The following ZNF821 variants were observed in gnomAD, a reference collection of about 807,000 sequenced individuals.
ZNF821 encodes zinc finger protein 821.
In ZNF821, 16 loss-of-function variants were observed where a neutral mutation model predicts 44.3. The ratio of observed to expected loss-of-function variants is 0.36; its 90% CI spans 0.24 to 0.55. The LOEUF is 0.55. ZNF821 is among the 20% of genes least tolerant of loss of function. ZNF821 has a pLI of 0.86. For missense variants in ZNF821, 436 were observed against 547.6 expected (o/e 0.80, Z 2.03); for synonymous variants, 204 against 197.6 (o/e 1.03, Z -0.27).
intron 3 of ZNF821, among the ~76,000 whole-genome samples, chr16:71,878,841 G>C (rs186910267): frequency 3.0e-4 from 45 of 150,744 alleles, no homozygotes; most frequent in Middle Eastern, 3.5e-3. Flanking sequence ...TGCAGCAGGA[G>C]AATTGCTTGA....
intron 3 of ZNF821, among the ~76,000 whole-genome samples, chr16:71,874,642 C>G (rs1328591751): frequency 1.3e-5 from 2 of 151,856 alleles, no homozygotes; most frequent in Non-Finnish European, 2.9e-5. Flanking sequence ...TTAGTGGAGA[C>G]AGGGTTTTGC....
upstream of ZNF821, among the ~76,000 whole-genome samples, chr16:71,888,081 T>A (rs1814561453): frequency 6.6e-6 from 1 of 152,074 alleles, no homozygotes; most frequent in South Asian, 2.1e-4. Flanking sequence ...CTCACCATGT[T>A]GCTCAGGCTG....
chr16:71,865,552 C>A (rs1233418799), intron 4 of ZNF821, among the ~76,000 whole-genome samples: 4 of 152,230 alleles, frequency 2.6e-5, no homozygotes, highest in Admixed American at 1.3e-4. Flanking sequence ...TCAAGTTTTT[C>A]TTCCCTCTTA....
chr16:71,888,364 A>T (rs1404944171), upstream of ZNF821, among the ~76,000 whole-genome samples: 1 of 152,040 alleles, frequency 6.6e-6, no homozygotes, highest in African/African-American at 2.4e-5. Flanking sequence ...TAGTCATGAA[A>T]ATTTACACCT....
In ZNF821 at chr16:71,867,995, G is replaced by A. The variant is rs1367448441; in HGVS notation, c.83C>T (p.Ala28Val). The A allele has an allele frequency of 6.6e-5, 102 of 1,535,796 alleles. No individual in the cohort carries two copies. The highest frequency in any genetic ancestry group is 8.6e-5 in the Non-Finnish European group (99 of 1,146,788). ...FAGLEEQARQ[A>V]MMKTDFPGDL... is the part of the protein sequence containing the mutation. Reference sequence around the variant, plus strand: ...TCCAGGAAAATCAGTTTTCATCATCGCCTGGCGGGCTTGCTCTTCTAGCCC... The same window carrying A: ...TCCAGGAAAATCAGTTTTCATCATCACCTGGCGGGCTTGCTCTTCTAGCCC... Residue 28 changes from alanine (A) to valine (V), a missense_variant, in exon 4 of 8, where the codon GCG (alanine) becomes GTG (valine). Around this residue, in one of 5 missense-constraint regions of ZNF821, gnomAD observed 238 missense variants for 281.4 expected, o/e 0.85. Transcript: ENST00000425432.
Position 71,860,640 on chromosome 16 carries a change from G to A in ZNF821, c.617C>T (p.Ser206Phe), listed in dbSNP as rs2033745304. 6.2e-7 allele frequency: 1 copy of A among 1,613,726 alleles called. No individual in the cohort carries two copies. Among genetic ancestry groups the A allele is most frequent in the African/African-American group, 1.3e-5 (1 of 74,900 alleles). The stretch of plus-strand genomic sequence containing the variant: ...ACCCTCATTGTGGACTGTGGGTAGG[G>A]ATTCCATATTTAGTACTTCAGGAAG... ...EKLPEVLNME[S>F]LPTVHNEGPS... Residue 206 changes from serine (S) to phenylalanine (F), a missense_variant, in exon 8 of 8, where the codon TCC becomes TTC. This residue lies in a region of ZNF821 where 238 missense variants were observed against 281.4 expected (regional missense o/e 0.85). Coordinates refer to ENST00000425432, the MANE Select transcript of ZNF821 (RefSeq NM_001201552.2). The surrounding 1 kb of genome is among the most constrained non-coding windows in gnomAD (Gnocchi z 7.3).
chr16:71,890,960 G>C (rs2036882019), intron 1 of ZNF821, among the ~76,000 whole-genome samples: 1 of 151,442 alleles, frequency 6.6e-6, no homozygotes, highest in African/African-American at 2.4e-5. Flanking sequence ...TTTTTTAGCG[G>C]AGACGGGGTT....
intron 3 of ZNF821, among the ~76,000 whole-genome samples, chr16:71,877,745 C>T (rs2035976148): frequency 6.6e-6 from 1 of 151,238 alleles, no homozygotes; most frequent in African/African-American, 2.4e-5. Context: ...ATGGTGAAAC[C>T]CCGTCTCTAC....
chr16:71,863,256 C>T (rs1379374072), intron 6 of ZNF821, among the ~76,000 whole-genome samples: 3 of 151,974 alleles, frequency 2.0e-5, no homozygotes, highest in African/African-American at 4.8e-5. Context: ...ACATTAGTTT[C>T]TATTTCACTA....
intron 3 of ZNF821, among the ~76,000 whole-genome samples, chr16:71,870,296 A>G (rs1394070095): frequency 6.6e-6 from 1 of 152,044 alleles, no homozygotes; most frequent in African/African-American, 2.4e-5. Flanking sequence ...GGAAAGGAAA[A>G]ATAAGCTGTT....
At chr16:71,874,777 C>T (rs1290306874) in intron 3 of ZNF821, among the ~76,000 whole-genome samples, 1 of 152,130 alleles carries the variant, frequency 6.6e-6, no homozygotes, top group Non-Finnish European at 1.5e-5. Context: ...TTTTAATAGA[C>T]AAGCAGCATT....
At position 71,859,750 on chromosome 16, in the gene ZNF821, G is replaced by C. The variant is rs1479584485; in HGVS notation, c.*268C>G. 6 of 487,908 alleles carry C rather than the reference G, an allele frequency of 1.2e-5. No individual in the cohort carries two copies. Among genetic ancestry groups the C allele is most frequent in the Non-Finnish European group, 2.2e-5 (6 of 277,406 alleles). The allele number at this position is 487,908 out of a possible 1,614,324, so 30.2% of individuals were successfully genotyped here. On this transcript the variant is annotated 3_prime_UTR_variant, in exon 8 of 8. Coordinates refer to ENST00000425432, the MANE Select transcript of ZNF821 (RefSeq NM_001201552.2). ...GCCACACAGGGGCCCCACAGTCCTA[G>C]AAGCACAGCCTGTGGCAGTGGGCTG...
chr16:71,889,829 G>T (rs376492318), intron 1 of ZNF821, among the ~76,000 whole-genome samples: 1 of 152,284 alleles, frequency 6.6e-6, no homozygotes, highest in South Asian at 2.1e-4. Flanking sequence ...GGCATGGCAT[G>T]TGCCTATAGT....
At chr16:71,878,792 C>T (rs1313883728) in intron 3 of ZNF821, among the ~76,000 whole-genome samples, 1 of 151,916 alleles carries the variant, frequency 6.6e-6, no homozygotes, top group African/African-American at 2.4e-5. Flanking sequence ...ATTAGCTGGG[C>T]ATGGTGGCGA....
chr16:71,893,659 A>C (rs542883719), intron 1 of ZNF821, among the ~76,000 whole-genome samples: 1 of 146,334 alleles, frequency 6.8e-6, no homozygotes, highest in East Asian at 2.1e-4. Context: ...CGGTTTCACC[A>C]TGTTGGCCAG....
intron 3 of ZNF821, among the ~76,000 whole-genome samples, chr16:71,876,049 C>A (rs763428308): frequency 6.6e-6 from 1 of 152,168 alleles, no homozygotes; most frequent in East Asian, 1.9e-4. Context: ...CACACCATCA[C>A]CCCACCAGCT....
intron 3 of ZNF821, among the ~76,000 whole-genome samples, chr16:71,875,749 A>C (rs1181352257): frequency 2.0e-5 from 3 of 152,152 alleles, no homozygotes; most frequent in South Asian, 4.1e-4. Context: ...GGCGTGAGCC[A>C]CCACGCCTGG....
intron 1 of ZNF821, among the ~76,000 whole-genome samples, chr16:71,890,404 T>C (rs938050516): frequency 3.6e-5 from 5 of 138,982 alleles, no homozygotes; most frequent in Admixed American, 7.4e-5. Flanking sequence ...TTTTTTTTTT[T>C]CAGACAGGAT....
chr16:71,868,142 C>A (rs942348017), intron 3 of ZNF821, 105 bp from the exon 4 acceptor site: 1 of 1,330,238 alleles, frequency 7.5e-7, no homozygotes, highest in Non-Finnish European at 1.0e-6. Context: ...CAGGCAGGTA[C>A]CCTGTGGTGG....
Sources: allele counts gnomAD v4.1 joint callset (sites outside exome capture counted in the v4.1 genomes callset), GRCh38; gene constraint gnomAD v4.1.1; regional missense constraint gnomAD v4.1.1; non-coding constraint Gnocchi (gnomAD v3.1); transcripts MANE v1.5; gene names NCBI Gene and HGNC (gene_info 2026-07-23, HGNC 2026-07-21).